PSMC2: variants seen among roughly 807,000 people sequenced by gnomAD.
PSMC2 encodes the protein proteasome 26S subunit, ATPase 2.
Under a neutral mutation model 53.3 loss-of-function variants are expected in PSMC2, and 7 were observed. The observed-to-expected ratio is 0.13, with a 90% CI of 0.07 to 0.25. The LOEUF (loss-of-function observed/expected upper bound fraction) is 0.25, where lower values mean the gene tolerates loss of function less well. PSMC2 is among the 10% of genes least tolerant of loss of function. The probability of loss-of-function intolerance (pLI) is 1.00; values close to 1 mark genes in which losing one functional copy is unlikely to be tolerated. For missense variants in PSMC2, 241 were observed against 544.0 expected (o/e 0.44, Z 5.54); for synonymous variants, 169 against 183.9 (o/e 0.92, Z 0.66).
At chr7:103,361,914 T>A (rs763290222) in intron 4 of PSMC2, 43 bp from the exon 5 acceptor site, 12 of 1,562,560 alleles carry the variant, frequency 7.7e-6, no homozygotes, top group Non-Finnish European at 1.0e-5. Context: ...TCATTATTAG[T>A]GGCTTAGGTT....
At position 103,353,933 on chromosome 7, in the gene PSMC2, G is replaced by C. The variant is rs1819876621; in HGVS notation, c.83G>C (p.Gly28Ala). ...TCTCTTCTTTCAGCTCTGGATGAGG[G>C]GGATATTGCCTTGTTGAAAACTTAT... is the stretch of plus-strand genomic sequence containing the variant. ...DDKPIRALDEGDIALLKTYGQ... is the reference protein window; with the variant it reads ...DDKPIRALDEADIALLKTYGQ... Residue 28 changes from glycine to alanine, a missense_variant, in exon 2 of 12, where the codon GGG becomes GCG. Physicochemically the swap from Gly to Ala is moderately conservative, Grantham distance 60. Coordinates refer to ENST00000292644, the MANE Select transcript of PSMC2 (RefSeq NM_002803.4). The C allele has an allele frequency of 6.2e-7, 1 of 1,603,232 alleles. No individual in the cohort carries two copies. The highest frequency in any genetic ancestry group is 1.3e-5 in the African/African-American group (1 of 74,456).
intron 7 of PSMC2, 124 bp downstream of exon 7, chr7:103,363,563 G>T: frequency 2.5e-6 from 2 of 812,968 alleles, no homozygotes; most frequent in Non-Finnish European, 4.0e-6. Flanking sequence ...TTTTTGAGAG[G>T]GTGGAGAGAG....
rs1820770200 is a variant in PSMC2 at position 103,367,361 on chromosome 7, G to C, written c.845-52G>C. 1 of 1,576,338 alleles carries C rather than the reference G, an allele frequency of 6.3e-7. No individual in the cohort carries two copies. The highest frequency in any genetic ancestry group is 1.7e-5 in the Admixed American group (1 of 59,884). On this transcript the variant is annotated intron_variant, in intron 9 of 11. Transcript: ENST00000292644. The surrounding 1 kb of genome is among the most constrained non-coding windows in gnomAD (Gnocchi z 6.1). Reference sequence around the variant, plus strand: ...TTTTGGTACTTTCAGGTCATGCATAGTGCTACTCTTGAGTGGACTTGAAGA... The same window carrying C: ...TTTTGGTACTTTCAGGTCATGCATACTGCTACTCTTGAGTGGACTTGAAGA...
At chr7:103,357,957 G>T (rs966177376) in intron 4 of PSMC2, among the ~76,000 whole-genome samples, 7 of 152,084 alleles carry the variant, frequency 4.6e-5, no homozygotes, top group Admixed American at 1.3e-4. Context: ...GACCTGCTTT[G>T]GTTTGGACCA....
chr7:103,354,825 TTGATATCC>T, intron 2 of PSMC2, 35 bp from the exon 3 acceptor site: 1 of 1,248,238 alleles, frequency 8.0e-7, no homozygotes, highest in South Asian at 1.3e-5. Context: ...TAATAAATGG[TTGATATCC>T]TGATATTCTA....
rs1164390702 is a variant in PSMC2 at position 103,365,006 on chromosome 7, A to G, written c.756+699A>G. Among the ~76,000 whole-genome samples the G allele has an allele frequency of 2.2e-5, 3 of 136,324 alleles. No individual in the cohort carries two copies. The East Asian group carries it at 6.3e-4, about 29-fold the overall frequency. The allele number at this position is 136,324 out of a possible 152,430, so 89.4% of individuals were successfully genotyped here. ...ATATTTAGAGAATAAGTCTAGGGCT[A>G]TATGTATTGTATCTGAAACCTGTTG... On this transcript the variant is annotated intron_variant, in intron 8 of 11. Coordinates refer to ENST00000292644, the MANE Select transcript of PSMC2 (RefSeq NM_002803.4).
At chr7:103,352,229 A>T (rs1819764619) in intron 1 of PSMC2, among the ~76,000 whole-genome samples, 1 of 147,222 alleles carries the variant, frequency 6.8e-6, no homozygotes, top group African/African-American at 2.5e-5. Context: ...AAAAAAAAAA[A>T]AAAAAAAAAA....
intron 8 of PSMC2, 68 bp downstream of exon 8, chr7:103,364,375 T>C (rs1820577914): frequency 6.4e-7 from 1 of 1,559,554 alleles, no homozygotes; most frequent in African/African-American, 1.4e-5. Context: ...AAATTAAAAA[T>C]GGCACTTCTG....
chr7:103,362,638 T>C, intron 5 of PSMC2, 48 bp from the exon 6 acceptor site: 1 of 1,539,196 alleles, frequency 6.5e-7, no homozygotes, highest in Non-Finnish European at 9.0e-7. Flanking sequence ...TAAAAGCACT[T>C]TGAAAGCTTA....
chr7:103,356,979 TCTCACTTTTATTTATTCA>T (rs2116173448), intron 4 of PSMC2, among the ~76,000 whole-genome samples: 1 of 152,332 alleles, frequency 6.6e-6, no homozygotes, highest in South Asian at 2.1e-4. Context: ...TTCCATCTTT[TCTCACTTTTATTTATTCA>T]CTCACTTTTT....
intron 3 of PSMC2, 107 bp from the exon 4 acceptor site, chr7:103,355,587 C>A: frequency 1.2e-6 from 1 of 819,094 alleles, no homozygotes; most frequent in Non-Finnish European, 2.0e-6. Flanking sequence ...TGATAGTCCT[C>A]ACAATGAATG....
chr7:103,350,639 C>T (rs1165908021), intron 1 of PSMC2, among the ~76,000 whole-genome samples: 1 of 152,022 alleles, frequency 6.6e-6, no homozygotes, highest in Non-Finnish European at 1.5e-5. Context: ...CAGGCGTGCA[C>T]CACCATGCCA....
Position 103,367,774 on chromosome 7 carries a change from T to G in PSMC2, c.1109T>G (p.Phe370Cys). ...RSMSVERDIRFELLARLCPNS... is the reference protein window; with the variant it reads ...RSMSVERDIRCELLARLCPNS... Reference sequence around the variant, plus strand: ...ATGAGTGTTGAAAGAGATATCAGATTTGAACTGTTAGCACGACTGTGTCCA... The same window carrying G: ...ATGAGTGTTGAAAGAGATATCAGATGTGAACTGTTAGCACGACTGTGTCCA... The change falls in exon 11 of 12, where the codon TTT becomes TGT. Residue 370 changes from phenylalanine (F) to cysteine (C), a missense_variant. Phe to Cys is a radical substitution (Grantham distance 205). This residue lies in a region of PSMC2 where 60 missense variants were observed against 115.8 expected (regional missense o/e 0.52). Transcript: ENST00000292644. The surrounding 1 kb of genome is among the most constrained non-coding windows in gnomAD (Gnocchi z 6.1). The G allele has an allele frequency of 6.2e-7, 1 of 1,614,098 alleles. No homozygotes were observed. Among genetic ancestry groups the G allele is most frequent in the Non-Finnish European group, 8.5e-7 (1 of 1,179,964 alleles).
chr7:103,351,966 G>A (rs1009548377), intron 1 of PSMC2, among the ~76,000 whole-genome samples: 1 of 151,050 alleles, frequency 6.6e-6, no homozygotes, highest in African/African-American at 2.4e-5. Flanking sequence ...TATGACTTCC[G>A]AGTGGCCTCA....
At position 103,361,974 on chromosome 7, in the gene PSMC2, A is replaced by G. The variant is rs765537959; in HGVS notation, c.308A>G (p.Asn103Ser). 1.8e-5 allele frequency: 29 copies of G among 1,612,632 alleles called. No homozygotes were observed. Among genetic ancestry groups the G allele is most frequent in the African/African-American group, 8.0e-5 (6 of 74,812 alleles). ...TGTGTTAGGTGTACAAAGATAATCA[A>G]TGCTGATTCGGAGGACCCAAAATAC... ...LQVARCTKII[N>S]ADSEDPKYII... Residue 103 changes from asparagine to serine, a missense_variant, in exon 5 of 12, where the codon AAT becomes AGT. By Grantham distance (46) the Asn-to-Ser change is conservative. This residue lies in a region of PSMC2 where 75 missense variants were observed against 185.1 expected (regional missense o/e 0.41). Transcript: ENST00000292644.
Position 103,368,234 on chromosome 7 carries a change from A to G in PSMC2, c.*180A>G, listed in dbSNP as rs931051708. 3.2e-6 allele frequency: 2 copies of G among 634,444 alleles called. No individual in the cohort carries two copies. The highest frequency in any genetic ancestry group is 1.9e-5 in the African/African-American group (1 of 53,602). 39.3% of individuals were successfully genotyped at this position (634,444 alleles called of 1,614,324 possible). Reference sequence around the variant, plus strand: ...ATTAGGCAGAAAAGCTTGTTAGAATATATTTTGACTATTTTTTTGACCCAC... The same window carrying G: ...ATTAGGCAGAAAAGCTTGTTAGAATGTATTTTGACTATTTTTTTGACCCAC... On this transcript the variant is annotated 3_prime_UTR_variant, in exon 12 of 12. Transcript: ENST00000292644.
At chr7:103,353,361 C>A (rs757134970) in intron 1 of PSMC2, among the ~76,000 whole-genome samples, 1 of 152,084 alleles carries the variant, frequency 6.6e-6, no homozygotes, top group African/African-American at 2.4e-5. Context: ...GGCTGGAGTG[C>A]GGTGATGTGA....
chr7:103,358,610 A>G (rs114526310), intron 4 of PSMC2, among the ~76,000 whole-genome samples: 2,817 of 151,706 alleles, frequency 0.019, 81 homozygotes, highest in African/African-American at 0.065. Flanking sequence ...TTAATTTCTC[A>G]GGTAAAAAAA....
rs59914167 is a variant in PSMC2, at chr7:103,364,958, C to CATATATATATATATATATATAT, written c.756+656_756+677dup. 2.4e-3 allele frequency among the ~76,000 whole-genome samples: 303 copies of CATATATATATATATATATATAT among 125,372 alleles called. 2 individuals are homozygous for CATATATATATATATATATATAT. The highest frequency in any genetic ancestry group is 3.2e-3 in the Admixed American group (39 of 12,022). The allele number at this position is 125,372 out of a possible 152,430, so 82.2% of individuals were successfully genotyped here. A position where few individuals can be genotyped will look rare whatever the true frequency, so the allele number is the denominator to read the frequency against. ...GGTTGTTTTTATGTTTGTAGACATA[C>CATATATATATATATATATATAT]ATATATATATATATATATATATATA... On this transcript the variant is annotated intron_variant, in intron 8 of 11. Transcript: ENST00000292644.
Sources: gnomAD v4.1 joint callset for allele counts (sites outside exome capture counted in the v4.1 genomes callset) on GRCh38, gnomAD v4.1.1 for gene constraint, gnomAD v4.1.1 regional missense constraint, Gnocchi (gnomAD v3.1) non-coding constraint, MANE v1.5 for transcripts, NCBI Gene and HGNC (gene_info 2026-07-23, HGNC 2026-07-21) for gene names.